Variants in PEAK1 observed in about 807,000 individuals in gnomAD.
PEAK1 encodes inactive tyrosine-protein kinase PEAK1.
Under a neutral mutation model 124.7 loss-of-function variants are expected in PEAK1, and 54 were observed. That is an observed-to-expected ratio of 0.43 (90% confidence interval 0.35 to 0.54). The LOEUF (loss-of-function observed/expected upper bound fraction) is 0.54. Ranked by LOEUF, PEAK1 falls within the 20% of genes least tolerant of loss-of-function variation. The pLI is 0.01. For missense variants in PEAK1, 2,046 were observed against 2,134.5 expected (o/e 0.96, Z 0.82); for synonymous variants, 719 against 760.0 (o/e 0.95, Z 0.89).
At chr15:77,275,230 A>G (rs1177022673) in intron 5 of PEAK1, among the ~76,000 whole-genome samples, 1 of 152,206 alleles carries the variant, frequency 6.6e-6, no homozygotes, top group Non-Finnish European at 1.5e-5. Flanking sequence ...TTCTAGGGTG[A>G]TAGGTGCACC....
At chr15:77,242,219 T>G (rs371341109) in intron 6 of PEAK1, among the ~76,000 whole-genome samples, 2 of 152,094 alleles carry the variant, frequency 1.3e-5, no homozygotes, top group African/African-American at 4.8e-5. Flanking sequence ...TCAAACAGTA[T>G]GCACATAAAT....
chr15:77,252,851 A>G (rs1026798908), intron 5 of PEAK1, among the ~76,000 whole-genome samples: 4 of 152,214 alleles, frequency 2.6e-5, no homozygotes, highest in African/African-American at 4.8e-5. Flanking sequence ...ATGACAAGTC[A>G]TTAAACTCGA....
At chr15:77,376,789 G>T (rs1441376869) in intron 1 of PEAK1, among the ~76,000 whole-genome samples, 5 of 152,066 alleles carry the variant, frequency 3.3e-5, no homozygotes, top group Non-Finnish European at 5.9e-5. Flanking sequence ...CATTTGAAAA[G>T]AATTTTTTAA....
At chr15:77,318,877 G>C (rs2065032975) in intron 2 of PEAK1, among the ~76,000 whole-genome samples, 1 of 152,002 alleles carries the variant, frequency 6.6e-6, no homozygotes, top group East Asian at 1.9e-4. Context: ...AGGTGCTTCA[G>C]GTAGCTACTA....
At chr15:77,350,528 T>C in intron 2 of PEAK1, 10 of 981,174 alleles carry the variant, frequency 1.0e-5, no homozygotes, top group Non-Finnish European at 1.2e-5. Flanking sequence ...AAAAACATGA[T>C]AATACAATTG....
At chr15:77,233,776 GT>G (rs962232464) in intron 6 of PEAK1, among the ~76,000 whole-genome samples, 3 of 152,106 alleles carry the variant, frequency 2.0e-5, no homozygotes, top group Admixed American at 6.6e-5. Flanking sequence ...TTAATTCAGA[GT>G]TTTTACCATT....
At chr15:77,396,480 A>G (rs1025573913) in intron 1 of PEAK1, among the ~76,000 whole-genome samples, 2 of 152,120 alleles carry the variant, frequency 1.3e-5, no homozygotes, top group Non-Finnish European at 2.9e-5. Flanking sequence ...AGAGTGGCAG[A>G]AAGGATTTAA....
At chr15:77,350,154 A>C (rs1287133899) in intron 2 of PEAK1, 1 of 985,328 alleles carries the variant, frequency 1.0e-6, no homozygotes, top group African/African-American at 1.7e-5. Flanking sequence ...TGCATGCACA[A>C]AAGTAATCTC....
chr15:77,365,240 A>T lies in PEAK1; in HGVS notation c.-665-15T>A, dbSNP rs1159092959. On this transcript the variant is annotated splice_polypyrimidine_tract_variant and intron_variant, in intron 1 of 9. Coordinates refer to ENST00000682557, the MANE Select transcript of PEAK1 (RefSeq NM_001385026.1). The stretch of plus-strand genomic sequence containing the variant: ...TGGGCAGATACCTGAATTGTAAAAA[A>T]CAAACAGAAAAAGACATGGTCAATA... 1 of 971,728 alleles carries T rather than the reference A, an allele frequency of 1.0e-6. No individual in the cohort carries two copies. Among genetic ancestry groups the T allele is most frequent in the Admixed American group, 6.2e-5 (1 of 16,250 alleles). The allele number at this position is 971,728 out of a possible 1,614,324, so 60.2% of individuals were successfully genotyped here.
chr15:77,227,082 G>C (rs933202125), intron 6 of PEAK1, among the ~76,000 whole-genome samples: 1 of 152,166 alleles, frequency 6.6e-6, no homozygotes, highest in African/African-American at 2.4e-5. Flanking sequence ...TAGATCCTAA[G>C]CCAGCAGGTC....
chr15:77,303,864 T>A (rs996376158), intron 2 of PEAK1, among the ~76,000 whole-genome samples: 4 of 152,204 alleles, frequency 2.6e-5, no homozygotes, highest in Non-Finnish European at 5.9e-5. Context: ...TATATTTAGG[T>A]CTATGCTCCA....
intron 2 of PEAK1, among the ~76,000 whole-genome samples, chr15:77,319,618 A>G (rs963216006): frequency 6.6e-6 from 1 of 152,200 alleles, no homozygotes; most frequent in African/African-American, 2.4e-5. Context: ...GAAGTGTTTT[A>G]CTTTTTAATA....
Position 77,295,172 on chromosome 15 carries a change from T to C in PEAK1, c.-602-8668A>G, listed in dbSNP as rs1263297585. Among the ~76,000 whole-genome samples, 4 of 152,194 alleles carry C rather than the reference T, an allele frequency of 2.6e-5. No homozygotes were observed. In the East Asian group the frequency reaches 5.8e-4, roughly 22 times the overall value. On this transcript the variant is annotated intron_variant, in intron 2 of 9. Transcript: ENST00000682557. ...TCAGGGTGACCTTATGGCTCATGTA[T>C]ATATGCACAGGCCACAGTGGTAGTC...
Position 77,181,074 on chromosome 15 carries a change from A to G in PEAK1, c.853T>C (p.Phe285Leu). 6.2e-7 allele frequency: 1 copy of G among 1,614,194 alleles called. No homozygotes were observed. Among genetic ancestry groups the G allele is most frequent in the Non-Finnish European group, 8.5e-7 (1 of 1,180,026 alleles). The change falls in exon 7 of 10, where the codon TTC becomes CTC. Residue 285 changes from phenylalanine to leucine, a missense_variant. Transcript: ENST00000682557. ...GTATTCCATTTTTTGTCCACAAAGA[A>G]TCGAACAGGAGACAATGTGTTTGCT... ...FRANTLSPVR[F>L]FVDKKWNTIP...
At chr15:77,385,582 C>G (rs970616364) in intron 1 of PEAK1, among the ~76,000 whole-genome samples, 7 of 152,206 alleles carry the variant, frequency 4.6e-5, no homozygotes, top group African/African-American at 1.7e-4. Flanking sequence ...TTTTTTCTAA[C>G]CCAGCCCAGA....
chr15:77,222,456 T>G (rs990584905), intron 6 of PEAK1, among the ~76,000 whole-genome samples: 4 of 152,064 alleles, frequency 2.6e-5, no homozygotes, highest in African/African-American at 7.2e-5. Context: ...ATCCCAATGA[T>G]CTTATGCATT....
chr15:77,386,125 A>C (rs1054900293), intron 1 of PEAK1, among the ~76,000 whole-genome samples: 1 of 152,240 alleles, frequency 6.6e-6, no homozygotes, highest in African/African-American at 2.4e-5. Context: ...ATAGAACTAA[A>C]GGCCAGGAAT....
chr15:77,404,112 C>G (rs2071602819), intron 1 of PEAK1: 1 of 985,004 alleles, frequency 1.0e-6, no homozygotes, highest in South Asian at 4.7e-5. Context: ...GGCCTTTAGA[C>G]AACTACAAAT....
intron 2 of PEAK1, chr15:77,336,628 T>C (rs929754470): frequency 1.3e-6 from 1 of 760,014 alleles, no homozygotes; most frequent in Non-Finnish European, 1.6e-6. Context: ...CTGGTGAACT[T>C]AATAATGGAC....
Sources: allele counts gnomAD v4.1 joint callset (sites outside exome capture counted in the v4.1 genomes callset), GRCh38; gene constraint gnomAD v4.1.1; transcripts MANE v1.5; gene names NCBI Gene and HGNC (gene_info 2026-07-23, HGNC 2026-07-21).